Variants in FBXW4 observed in about 807,000 individuals in gnomAD.
FBXW4 encodes the protein F-box and WD repeat domain containing 4, also known as F-box/WD repeat-containing protein 4.
Under a neutral mutation model 61.8 loss-of-function variants are expected in FBXW4, and 40 were observed. The ratio of observed to expected loss-of-function variants is 0.65; its 90% CI spans 0.50 to 0.84. The LOEUF is 0.84. Among genes scored for constraint, FBXW4 ranks in the 40% least tolerant of loss-of-function variants. The probability of loss-of-function intolerance (pLI) is 0.00; values close to 1 mark genes in which losing one functional copy is unlikely to be tolerated. For missense variants in FBXW4, 672 were observed against 753.8 expected (o/e 0.89, Z 1.27); for synonymous variants, 311 against 313.8 (o/e 0.99, Z 0.10).
intron 1 of FBXW4, among the ~76,000 whole-genome samples, chr10:101,688,382 T>A (rs1426089846): frequency 6.6e-6 from 1 of 152,190 alleles, no homozygotes; most frequent in Non-Finnish European, 1.5e-5. Context: ...GGCAATTAAT[T>A]GTGGGCTAAA....
At position 101,635,191 on chromosome 10, in the gene FBXW4, T is replaced by C. The variant is rs1041562522; in HGVS notation, c.1236-10381A>G. 3.3e-5 allele frequency among the ~76,000 whole-genome samples: 5 copies of C among 149,380 alleles called. 2 individuals are homozygous for C. The highest frequency in any genetic ancestry group is 7.4e-5 in the Non-Finnish European group (5 of 67,314). ...TTGTGAACTGCACATGCAAGGGATC[T>C]AGATTGTGGCTCCTTTTGAAAATCT... On this transcript the variant is annotated intron_variant, in intron 5 of 8. Coordinates refer to ENST00000331272, the MANE Select transcript of FBXW4 (RefSeq NM_022039.4).
chr10:101,644,221 G>A (rs779304887), intron 5 of FBXW4, among the ~76,000 whole-genome samples: 1 of 152,204 alleles, frequency 6.6e-6, no homozygotes, highest in Non-Finnish European at 1.5e-5. Context: ...ACGGTGAGCT[G>A]GAGCTGCTCT....
chr10:101,619,474 C>T (rs747668405), intron 6 of FBXW4, among the ~76,000 whole-genome samples: 20 of 152,046 alleles, frequency 1.3e-4, no homozygotes, highest in Non-Finnish European at 2.1e-4. Context: ...CTGGCTAAGA[C>T]GGTGTAAACC....
At chr10:101,676,041 G>A (rs2064404352) in intron 2 of FBXW4, among the ~76,000 whole-genome samples, 1 of 152,040 alleles carries the variant, frequency 6.6e-6, no homozygotes, top group African/African-American at 2.4e-5. Context: ...TCTGAGTGGT[G>A]GAGTTACAGG....
Position 101,694,569 on chromosome 10 carries a change from C to G in FBXW4, c.537G>C (p.Ala179=). The G allele has an allele frequency of 6.8e-7, 1 of 1,471,198 alleles. No homozygotes were observed. Among genetic ancestry groups the G allele is most frequent in the Non-Finnish European group, 8.9e-7 (1 of 1,120,400 alleles). 91.1% of individuals were successfully genotyped at this position (1,471,198 alleles called of 1,614,324 possible). A position where few individuals can be genotyped will look rare whatever the true frequency, so the allele number is the denominator to read the frequency against. Residue 179 remains alanine (A), a synonymous_variant, in exon 1 of 9, where the codon GCG becomes GCC. Coordinates refer to ENST00000331272, the MANE Select transcript of FBXW4 (RefSeq NM_022039.4). The surrounding 1 kb of genome is among the most constrained non-coding windows in gnomAD (Gnocchi z 6.0). ...AARESAARPA[A]GPALWRLPEE... is the part of the protein sequence containing the mutation. ...CCGGCAGGCGCCAGAGCGCAGGCCC[C>G]GCGGCCGGGCGGGCAGCCGACTCCC... is the stretch of plus-strand genomic sequence containing the variant.
intron 2 of FBXW4, 112 bp downstream of exon 2, chr10:101,676,229 G>C: frequency 1.4e-6 from 1 of 717,218 alleles, no homozygotes; most frequent in Non-Finnish European, 2.3e-6. Context: ...AGGCTCACCA[G>C]TGCCCACCCA....
intron 5 of FBXW4, chr10:101,627,013 G>A (rs1180516699): frequency 6.6e-6 from 1 of 151,404 alleles, no homozygotes. Flanking sequence ...CCACCAGGAG[G>A]AGTGCCCCTC....
chr10:101,689,898 G>A (rs2134922825), intron 1 of FBXW4, among the ~76,000 whole-genome samples: 1 of 152,308 alleles, frequency 6.6e-6, no homozygotes, highest in Non-Finnish European at 1.5e-5. Flanking sequence ...GAATGTACAT[G>A]CCAGGACAAA....
intron 5 of FBXW4, among the ~76,000 whole-genome samples, chr10:101,645,654 C>T (rs1286899255): frequency 6.6e-6 from 1 of 152,206 alleles, no homozygotes; most frequent in Non-Finnish European, 1.5e-5. Context: ...TTGTGATAGA[C>T]GCTGGGGTGT....
intron 5 of FBXW4, among the ~76,000 whole-genome samples, chr10:101,650,079 T>C (rs928313333): frequency 3.3e-5 from 5 of 152,158 alleles, no homozygotes; most frequent in Admixed American, 2.0e-4. Flanking sequence ...GACTCAGGGT[T>C]TGAGATAAGG....
At chr10:101,623,136 G>C (rs893141699) in intron 6 of FBXW4, among the ~76,000 whole-genome samples, 1 of 152,092 alleles carries the variant, frequency 6.6e-6, no homozygotes, top group East Asian at 1.9e-4. Flanking sequence ...TTTAAAAATA[G>C]TGAATCCAGG....
intron 4 of FBXW4, among the ~76,000 whole-genome samples, chr10:101,672,404 G>A (rs750916921): frequency 1.3e-5 from 2 of 152,130 alleles, no homozygotes; most frequent in Non-Finnish European, 2.9e-5. Flanking sequence ...GGGCAATTTG[G>A]CAAAGATGCA....
chr10:101,648,886 CT>C (rs2064122994), intron 5 of FBXW4, among the ~76,000 whole-genome samples: 1 of 152,172 alleles, frequency 6.6e-6, no homozygotes, highest in Admixed American at 6.5e-5. Context: ...CCCACCAGAG[CT>C]TTTCCCACCT....
intron 6 of FBXW4, among the ~76,000 whole-genome samples, chr10:101,622,083 C>T (rs1332445495): frequency 6.7e-6 from 1 of 149,734 alleles, no homozygotes; most frequent in African/African-American, 2.5e-5. Context: ...GGAAAAAAAC[C>T]ATGATTCATT....
intron 1 of FBXW4, among the ~76,000 whole-genome samples, chr10:101,693,483 T>C (rs1408110839): frequency 6.6e-6 from 1 of 152,242 alleles, no homozygotes; most frequent in Non-Finnish European, 1.5e-5. Context: ...ATCAGTAAGA[T>C]AGCAATTATA....
rs35721394 is a variant in FBXW4, at chr10:101,657,639, C to CAAA, written c.1235+10244_1235+10246dup. ...TGGGCAACACAGCGAGACTCTGTCT[C>CAAA]AAAAAAAAAAAAAAAAAAAAAAAAG... On this transcript the variant is annotated intron_variant, in intron 5 of 8. Transcript: ENST00000331272. Among the ~76,000 whole-genome samples the CAAA allele has an allele frequency of 4.7e-3, 263 of 55,732 alleles. 5 individuals carry two copies. The highest frequency in any genetic ancestry group is 5.7e-3 in the Admixed American group (22 of 3,876). The allele number at this position is 55,732 out of a possible 152,430, so 36.6% of individuals were successfully genotyped here.
rs75842902 is a variant in FBXW4 at position 101,622,450 on chromosome 10, G to A, written c.1301+2295C>T. Among the ~76,000 whole-genome samples, 150 of 152,238 alleles carry A rather than the reference G, an allele frequency of 9.9e-4. No homozygotes were observed. The East Asian group carries it at 0.018, about 18-fold the overall frequency. On this transcript the variant is annotated intron_variant, in intron 6 of 8. Coordinates refer to ENST00000331272, the MANE Select transcript of FBXW4 (RefSeq NM_022039.4). ...TAAGAGGATAAAAAGACAAGCAGCCGGGTGCGGTGGCTCACGCCTGTAATC... is the reference window on the plus strand; with the variant it reads ...TAAGAGGATAAAAAGACAAGCAGCCAGGTGCGGTGGCTCACGCCTGTAATC...
chr10:101,646,597 G>C (rs1431640700), intron 5 of FBXW4, among the ~76,000 whole-genome samples: 1 of 152,242 alleles, frequency 6.6e-6, no homozygotes, highest in Non-Finnish European at 1.5e-5. Context: ...AGCCGGGAAG[G>C]CCAGGGGACG....
At chr10:101,642,628 C>T (rs1226012105) in intron 5 of FBXW4, among the ~76,000 whole-genome samples, 1 of 152,238 alleles carries the variant, frequency 6.6e-6, no homozygotes, top group Admixed American at 6.5e-5. Context: ...CACCTCCCCA[C>T]TGCCAGTCTG....
Sources: allele counts gnomAD v4.1 joint callset (sites outside exome capture counted in the v4.1 genomes callset), GRCh38; gene constraint gnomAD v4.1.1; non-coding constraint Gnocchi (gnomAD v3.1); transcripts MANE v1.5; gene names NCBI Gene and HGNC (gene_info 2026-07-23, HGNC 2026-07-21).